CLSTN2: variants seen among roughly 807,000 people sequenced by gnomAD.
The protein encoded by CLSTN2 is calsyntenin 2, also known as calsyntenin-2.
CLSTN2 carries 48 observed loss-of-function variants against 101.2 expected under a neutral mutation model. The observed-to-expected ratio is 0.47, with a 90% CI of 0.38 to 0.60. The LOEUF (loss-of-function observed/expected upper bound fraction) is 0.60. CLSTN2 is among the 20% of genes least tolerant of loss of function. The probability of loss-of-function intolerance (pLI) is 0.00; values close to 1 mark genes in which losing one functional copy is unlikely to be tolerated. For synonymous variants in CLSTN2, 481 were observed against 463.6 expected, an observed-to-expected ratio of 1.04 and a Z score of -0.48; for missense variants, 1,160 against 1,238.2, an observed-to-expected ratio of 0.94 and a Z score of 0.95.
At chr3:140,396,239 T>A (rs1211276504) in intron 2 of CLSTN2, among the ~76,000 whole-genome samples, 1 of 151,902 alleles carries the variant, frequency 6.6e-6, no homozygotes. Context: ...TGGCCCTCGA[T>A]GAGATTATGA....
chr3:140,155,036 C>T (rs745894907), intron 1 of CLSTN2, among the ~76,000 whole-genome samples: 20 of 152,194 alleles, frequency 1.3e-4, no homozygotes, highest in Non-Finnish European at 2.6e-4. Context: ...GATTACAATT[C>T]AAGATGAGAT....
intron 2 of CLSTN2, among the ~76,000 whole-genome samples, chr3:140,205,614 A>ACCC (rs1286516086): frequency 1.6e-4 from 11 of 66,848 alleles, no homozygotes; most frequent in African/African-American, 1.9e-4. Context: ...TTTGGACCTG[A>ACCC]CCCGCCCCCC....
Position 140,566,033 on chromosome 3 carries a change from T to C in CLSTN2, c.2668-20T>C, listed in dbSNP as rs1339716593. 1 of 1,613,910 alleles carries C rather than the reference T, an allele frequency of 6.2e-7. No homozygotes were observed. The highest frequency in any genetic ancestry group is 1.1e-5 in the South Asian group (1 of 91,014). ...TGTTCAGCCCCTGATGAGCATTTGC[T>C]TTTTCTCCTTGATATCCAGAAACAT... is the stretch of plus-strand genomic sequence containing the variant. On this transcript the variant is annotated intron_variant, in intron 16 of 16. Transcript: ENST00000458420.
At chr3:140,557,574 G>A (rs1935824679) in intron 11 of CLSTN2, among the ~76,000 whole-genome samples, 1 of 152,126 alleles carries the variant, frequency 6.6e-6, no homozygotes, top group Non-Finnish European at 1.5e-5. Context: ...TGTGGGGTTG[G>A]CCTGGCACAA....
At chr3:140,121,610 GA>G (rs995714018) in intron 1 of CLSTN2, among the ~76,000 whole-genome samples, 2 of 152,202 alleles carry the variant, frequency 1.3e-5, no homozygotes, top group Non-Finnish European at 2.9e-5. Flanking sequence ...TCAAGTCCCA[GA>G]AACAAGGACC....
At chr3:140,271,438 G>A (rs928424999) in intron 2 of CLSTN2, among the ~76,000 whole-genome samples, 1 of 152,162 alleles carries the variant, frequency 6.6e-6, no homozygotes, top group African/African-American at 2.4e-5. Flanking sequence ...ATTTCTGTTT[G>A]TAATGACAGA....
chr3:140,105,183 A>G (rs77261010), intron 1 of CLSTN2, among the ~76,000 whole-genome samples: 5,941 of 152,312 alleles, frequency 0.039, 151 homozygotes, highest in Middle Eastern at 0.085. Context: ...CTTATGATAT[A>G]TCATCTTTAA....
intron 2 of CLSTN2, among the ~76,000 whole-genome samples, chr3:140,313,996 C>T (rs1426363747): frequency 6.6e-6 from 1 of 152,156 alleles, no homozygotes. Context: ...GGGTAGTATA[C>T]AGTGGTTCAA....
chr3:140,147,486 A>C (rs2009797600), intron 1 of CLSTN2, among the ~76,000 whole-genome samples: 1 of 152,240 alleles, frequency 6.6e-6, no homozygotes, highest in South Asian at 2.1e-4. Context: ...GTTTCCTGCA[A>C]CATGGCAAGT....
At chr3:140,505,397 C>G (rs925216457) in intron 8 of CLSTN2, among the ~76,000 whole-genome samples, 1 of 152,180 alleles carries the variant, frequency 6.6e-6, no homozygotes, top group Non-Finnish European at 1.5e-5. Context: ...CCCCACAGAG[C>G]AATCAGATAC....
intron 12 of CLSTN2, among the ~76,000 whole-genome samples, chr3:140,560,778 G>C (rs1014470573): frequency 2.6e-5 from 4 of 152,106 alleles, no homozygotes; most frequent in Non-Finnish European, 5.9e-5. Context: ...GCGGGAGGTA[G>C]GAACAAGGAC....
At chr3:140,107,143 A>G (rs1039669085) in intron 1 of CLSTN2, among the ~76,000 whole-genome samples, 20 of 152,218 alleles carry the variant, frequency 1.3e-4, no homozygotes, top group African/African-American at 4.8e-4. Context: ...CAGAATTTCT[A>G]CAGAGCCCAC....
At chr3:140,473,871 C>T (rs1168486108) in intron 8 of CLSTN2, among the ~76,000 whole-genome samples, 1 of 152,082 alleles carries the variant, frequency 6.6e-6, no homozygotes, top group Non-Finnish European at 1.5e-5. Flanking sequence ...AATTCTCCTG[C>T]CTCAGCCTCC....
chr3:140,258,332 C>T (rs2086620888), intron 2 of CLSTN2, among the ~76,000 whole-genome samples: 1 of 152,142 alleles, frequency 6.6e-6, no homozygotes, highest in Non-Finnish European at 1.5e-5. Context: ...ATACTTTGTG[C>T]TTGGGTCAAA....
At chr3:140,163,960 C>T (rs929104921) in intron 1 of CLSTN2, among the ~76,000 whole-genome samples, 2 of 151,930 alleles carry the variant, frequency 1.3e-5, no homozygotes, top group African/African-American at 4.8e-5. Context: ...AAGTTAAGGA[C>T]TATCTTAGGG....
intron 2 of CLSTN2, among the ~76,000 whole-genome samples, chr3:140,182,171 A>G (rs2010417993): frequency 1.3e-5 from 2 of 152,276 alleles, no homozygotes; most frequent in South Asian, 4.1e-4. Context: ...CAACAACATC[A>G]AGCTAGAATT....
In CLSTN2 at chr3:139,980,957, T is replaced by G. The variant is rs528258829; in HGVS notation, c.109+45474T>G. ...AGGTCATTTACTGCCTTCTTCTTTC[T>G]TTCTTGTAACTTGTGCCTAGATAAC... On this transcript the variant is annotated intron_variant, in intron 1 of 16. Coordinates refer to ENST00000458420, the MANE Select transcript of CLSTN2 (RefSeq NM_022131.3). 2.8e-4 allele frequency among the ~76,000 whole-genome samples: 42 copies of G among 152,234 alleles called. 1 individual carries two copies. The highest frequency in any genetic ancestry group is 1.0e-3 in the African/African-American group (42 of 41,558).
At chr3:139,978,283 C>A (rs1399124944) in intron 1 of CLSTN2, among the ~76,000 whole-genome samples, 1 of 152,196 alleles carries the variant, frequency 6.6e-6, no homozygotes, top group Admixed American at 6.5e-5. Flanking sequence ...GATATCTATA[C>A]ACTTGTTTTT....
At chr3:140,176,453 A>G (rs1051944512) in intron 2 of CLSTN2, among the ~76,000 whole-genome samples, 2 of 152,232 alleles carry the variant, frequency 1.3e-5, no homozygotes, top group African/African-American at 4.8e-5. Context: ...GGAGACTCAT[A>G]GCTTGGTACA....
Sources: gnomAD v4.1 joint callset for allele counts (sites outside exome capture counted in the v4.1 genomes callset) on GRCh38, gnomAD v4.1.1 for gene constraint, MANE v1.5 for transcripts, NCBI Gene and HGNC (gene_info 2026-07-23, HGNC 2026-07-21) for gene names.